The following MZT2B variants were observed in gnomAD, a reference collection of about 807,000 sequenced individuals.
MZT2B encodes mitotic spindle organizing protein 2B.
Under a neutral mutation model 12.1 loss-of-function variants are expected in MZT2B, and 11 were observed. That is an observed-to-expected ratio of 0.91 (90% CI 0.57 to 1.50). The LOEUF (loss-of-function observed/expected upper bound fraction) is 1.50. MZT2B is among the 40% of genes most tolerant of loss of function. The pLI is 0.00. For missense variants in MZT2B, 209 were observed against 227.7 expected (o/e 0.92, Z 0.53); for synonymous variants, 85 against 109.5 (o/e 0.78, Z 1.40).
intron 2 of MZT2B, chr2:130,184,998 C>T (rs1690002885): frequency 1.6e-6 from 1 of 625,844 alleles, no homozygotes; most frequent in African/African-American, 2.0e-5. Context: ...GACCCCATCT[C>T]TACAAAAAAT....
At chr2:130,183,787 A>G in intron 2 of MZT2B, 1 of 1,550,628 alleles carries the variant, frequency 6.4e-7, no homozygotes, top group Non-Finnish European at 8.7e-7. Context: ...TGACCTCCAG[A>G]GGCCTCCTTT....
chr2:130,201,725 C>T, the MZT2B span, among the ~76,000 whole-genome samples: 2 of 152,170 alleles, frequency 1.3e-5, no homozygotes, highest in Admixed American at 6.5e-5. Flanking sequence ...GATACGTTCT[C>T]GACAATGCAT....
chr2:130,185,796 G>A (rs147870284), intron 2 of MZT2B, among the ~76,000 whole-genome samples: 7 of 152,094 alleles, frequency 4.6e-5, no homozygotes, highest in African/African-American at 1.2e-4. Flanking sequence ...TGGGGGCTCC[G>A]AGAGAATTTA....
At chr2:130,192,006 T>C (rs367822755), downstream of MZT2B, 23 of 1,613,976 alleles carry the variant, frequency 1.4e-5, no homozygotes, top group Admixed American at 1.0e-4. Context: ...ATCGAACTTA[T>C]GGACCAGGCG....
rs1043152 is a variant in MZT2B, at chr2:130,190,613, G to A, written c.464G>A (p.Arg155Gln). The A allele has an allele frequency of 1.2e-5, 19 of 1,607,654 alleles. No individual in the cohort carries two copies. The highest frequency in any genetic ancestry group is 1.7e-4 in the Middle Eastern group (1 of 6,020). ...GGCGGGCCTGGGAAGAGCCCTACAC[G>A]GGGCAGCACCTAGGATGGGGCAGAG... ...KGGGPGKSPT[R>Q]GST Residue 155 changes from arginine (R) to glutamine (Q), a missense_variant, in exon 3 of 3, where the codon CGG becomes CAG. Arg to Gln is a conservative substitution (Grantham distance 43). Coordinates refer to ENST00000281871, the MANE Select transcript of MZT2B (RefSeq NM_025029.5).
downstream of MZT2B, among the ~76,000 whole-genome samples, chr2:130,193,112 G>A (rs376569864): frequency 3.3e-5 from 5 of 150,040 alleles, no homozygotes; most frequent in African/African-American, 4.9e-5. Context: ...AAAATTACCC[G>A]GGCATGGTGG....
In MZT2B at chr2:130,182,313, G is replaced by C. The variant is rs1307036139; in HGVS notation, c.31G>C (p.Gly11Arg). 5 of 1,513,734 alleles carry C rather than the reference G, an allele frequency of 3.3e-6. No homozygotes were observed. The highest frequency in any genetic ancestry group is 4.4e-6 in the Non-Finnish European group (5 of 1,137,706). 93.8% of individuals were successfully genotyped at this position (1,513,734 alleles called of 1,614,324 possible). A position where few individuals can be genotyped will look rare whatever the true frequency, so the allele number is the denominator to read the frequency against. The change falls in exon 1 of 3, where the codon GGG becomes CGG. Residue 11 changes from glycine (G) to arginine (R), a missense_variant. Coordinates refer to ENST00000281871, the MANE Select transcript of MZT2B (RefSeq NM_025029.5). ...GGCGCAGGGCGTAGGGCCTGGGCCG[G>C]GGTCGGCGGCGCCCCCGGGGCTGGA... MAAQGVGPGP[G>R]SAAPPGLEAA...
At chr2:130,183,652 G>T (rs1182174902) in intron 2 of MZT2B, 2 of 1,440,024 alleles carry the variant, frequency 1.4e-6, no homozygotes, top group South Asian at 2.5e-5. Context: ...TGGAGAGCAG[G>T]CTGCCTTCAT....
intron 2 of MZT2B, 28 bp downstream of exon 2, chr2:130,182,803 C>G (rs1689810963): frequency 3.5e-6 from 5 of 1,411,634 alleles, no homozygotes; most frequent in African/African-American, 1.4e-5. Context: ...TGTCCCTGCC[C>G]CAGTGGCGGG....
intron 2 of MZT2B, among the ~76,000 whole-genome samples, chr2:130,185,896 T>A (rs1690042256): frequency 6.6e-6 from 1 of 151,716 alleles, no homozygotes; most frequent in Non-Finnish European, 1.5e-5. Flanking sequence ...CCAGGTCCTG[T>A]AGGCTGGGTG....
the MZT2B span, among the ~76,000 whole-genome samples, chr2:130,204,702 AAAGG>A: frequency 8.8e-6 from 1 of 113,286 alleles, no homozygotes; most frequent in Non-Finnish European, 1.9e-5. Flanking sequence ...AAAAAAAAAA[AAAGG>A]GGGGGTGGGG....
chr2:130,203,525 C>T, the MZT2B span, among the ~76,000 whole-genome samples: 21 of 151,982 alleles, frequency 1.4e-4, no homozygotes, highest in Non-Finnish European at 2.6e-4. Context: ...GTTGTCAGTG[C>T]AGCTGAACTT....
chr2:130,183,664 G>T (rs1176730963), intron 2 of MZT2B: 1 of 1,502,444 alleles, frequency 6.7e-7, no homozygotes, highest in Non-Finnish European at 9.1e-7. Context: ...TGCCTTCATG[G>T]GGGGAGTGCC....
chr2:130,181,984 G>T, upstream of MZT2B: 1 of 1,384,942 alleles, frequency 7.2e-7, no homozygotes, highest in East Asian at 3.2e-5. Context: ...TGGGCTGGGT[G>T]CTGCCACCTA....
intron 2 of MZT2B, chr2:130,188,165 G>C (rs1351978505): frequency 6.6e-6 from 1 of 152,484 alleles, no homozygotes; most frequent in East Asian, 1.9e-4. Flanking sequence ...AGGAAGCTCA[G>C]ATGGCAGCAA....
chr2:130,189,491 C>T (rs1476170780), intron 2 of MZT2B, among the ~76,000 whole-genome samples: 4 of 152,282 alleles, frequency 2.6e-5, no homozygotes, highest in African/African-American at 9.6e-5. Context: ...GGGGACCCAA[C>T]ACTGAGTCAG....
chr2:130,203,293 G>A, the MZT2B span, among the ~76,000 whole-genome samples: 9 of 152,182 alleles, frequency 5.9e-5, no homozygotes, highest in Non-Finnish European at 1.0e-4. Context: ...TGGGCTGGGC[G>A]GCCTCTCATT....
At chr2:130,192,761 C>T (rs1690296942), downstream of MZT2B, among the ~76,000 whole-genome samples, 1 of 152,166 alleles carries the variant, frequency 6.6e-6, no homozygotes, top group Non-Finnish European at 1.5e-5. Flanking sequence ...CAGCAGTGCA[C>T]AGGGTCAACT....
the MZT2B span, among the ~76,000 whole-genome samples, chr2:130,200,699 G>A: frequency 6.6e-6 from 1 of 152,222 alleles, no homozygotes; most frequent in Non-Finnish European, 1.5e-5. Context: ...GGGAAGAGCA[G>A]AGTCAGGACC....
Sources: gnomAD v4.1 joint callset for allele counts (sites outside exome capture counted in the v4.1 genomes callset) on GRCh38, gnomAD v4.1.1 for gene constraint, MANE v1.5 for transcripts, NCBI Gene and HGNC (gene_info 2026-07-23, HGNC 2026-07-21) for gene names.